Variants in GRAMD4 observed in about 807,000 individuals in gnomAD.
GRAMD4 encodes the protein GRAM domain containing 4.
A neutral mutation model predicts 83.9 loss-of-function variants in GRAMD4; 25 were observed. The observed-to-expected ratio is 0.30, with a 90% confidence interval of 0.22 to 0.42. The LOEUF is 0.42. Among genes scored for constraint, GRAMD4 ranks in the 10% least tolerant of loss-of-function variants. The pLI is 1.00. For missense variants in GRAMD4, 593 were observed against 788.7 expected (o/e 0.75, Z 2.97); for synonymous variants, 336 against 320.9 (o/e 1.05, Z -0.50).
intron 1 of GRAMD4, among the ~76,000 whole-genome samples, chr22:46,594,953 G>T (rs993614228): frequency 1.1e-4 from 17 of 152,096 alleles, no homozygotes; most frequent in African/African-American, 4.1e-4. Context: ...ATCGGGACTT[G>T]GGCTTTCTGA....
intron 3 of GRAMD4, among the ~76,000 whole-genome samples, chr22:46,650,938 G>A (rs537421990): frequency 2.6e-5 from 4 of 152,306 alleles, no homozygotes; most frequent in African/African-American, 9.6e-5. Flanking sequence ...CACGCAGAGT[G>A]TCCCCTGGGC....
chr22:46,617,427 C>T (rs74861987), upstream of GRAMD4, among the ~76,000 whole-genome samples: 5,685 of 146,752 alleles, frequency 0.039, 288 homozygotes, highest in African/African-American at 0.12. Context: ...TGTGTAGGTT[C>T]CCCTGGGTGT....
intron 3 of GRAMD4, among the ~76,000 whole-genome samples, chr22:46,639,149 C>T (rs892651820): frequency 6.7e-5 from 8 of 119,454 alleles, no homozygotes; most frequent in South Asian, 3.0e-4. Flanking sequence ...ACGGTGTGTG[C>T]GTGAGTGTGT....
At position 46,677,469 on chromosome 22, in the gene GRAMD4, T is replaced by C; in HGVS notation, c.*218T>C. ...GGGTGCCCCTCTCCCACAGGGCACGTCAGGTGCCTCTGAGGGCCACCCGCA... is the reference window on the plus strand; with the variant it reads ...GGGTGCCCCTCTCCCACAGGGCACGCCAGGTGCCTCTGAGGGCCACCCGCA... On this transcript the variant is annotated 3_prime_UTR_variant, in exon 19 of 19. Coordinates refer to ENST00000406902, the MANE Select transcript of GRAMD4 (RefSeq NM_015124.5). The C allele has an allele frequency of 7.6e-7, 1 of 1,317,946 alleles. No homozygotes were observed. The highest frequency in any genetic ancestry group is 9.7e-7 in the Non-Finnish European group (1 of 1,031,874). The allele number at this position is 1,317,946 out of a possible 1,614,324, so 81.6% of individuals were successfully genotyped here. A position where few individuals can be genotyped will look rare whatever the true frequency, so the allele number is the denominator to read the frequency against.
At chr22:46,653,796 G>A (rs891739184) in intron 3 of GRAMD4, among the ~76,000 whole-genome samples, 1 of 152,170 alleles carries the variant, frequency 6.6e-6, no homozygotes, top group African/African-American at 2.4e-5. Context: ...GTGGGTACTA[G>A]GAGTTAACCT....
rs570359325 is a variant in GRAMD4, at chr22:46,659,707, G to GGGGGGCTCATGT, written c.404+1419_404+1430dup. Among the ~76,000 whole-genome samples the GGGGGGCTCATGT allele has an allele frequency of 3.9e-5, 6 of 151,916 alleles. No individual in the cohort carries two copies. The highest frequency in any genetic ancestry group is 5.9e-5 in the Non-Finnish European group (4 of 67,952). On this transcript the variant is annotated intron_variant, in intron 4 of 18. Coordinates refer to ENST00000406902, the MANE Select transcript of GRAMD4 (RefSeq NM_015124.5). This position sits in a 1 kb window ranked among gnomAD's most constrained non-coding sequence, Gnocchi z 4.1. The stretch of plus-strand genomic sequence containing the variant: ...TCAGCATGACCTTGTGGAGTGCCCT[G>GGGGGGCTCATGT]GGGGGCTCATGTGGGGGCTCATGTG...
At chr22:46,644,860 G>A (rs1214976203) in intron 3 of GRAMD4, among the ~76,000 whole-genome samples, 2 of 140,992 alleles carry the variant, frequency 1.4e-5, no homozygotes, top group African/African-American at 5.3e-5. Context: ...AGCTTCCTGA[G>A]TAGCAGGGAC....
intron 2 of GRAMD4, among the ~76,000 whole-genome samples, chr22:46,628,248 T>G (rs2147172814): frequency 1.3e-5 from 2 of 152,324 alleles, no homozygotes; most frequent in Non-Finnish European, 2.9e-5. Flanking sequence ...CCGTCTGTCC[T>G]GCTCCAGGTG....
At chr22:46,645,446 C>T (rs1334412960) in intron 3 of GRAMD4, among the ~76,000 whole-genome samples, 1 of 152,194 alleles carries the variant, frequency 6.6e-6, no homozygotes, top group Non-Finnish European at 1.5e-5. Context: ...GTTCAGGAGT[C>T]AGGACCCAGT....
intron 1 of GRAMD4, among the ~76,000 whole-genome samples, chr22:46,593,537 T>C (rs2081231139): frequency 6.6e-6 from 1 of 152,022 alleles, no homozygotes; most frequent in African/African-American, 2.4e-5. Context: ...AGTGTTGCAT[T>C]AAGTGACTTC....
intron 9 of GRAMD4, among the ~76,000 whole-genome samples, chr22:46,666,019 A>T (rs737136): frequency 0.29 from 44,331 of 152,208 alleles, 6,636 homozygotes; most frequent in East Asian, 0.4. Context: ...AGGTGGGTGA[A>T]GCAAACAGGG....
chr22:46,579,254 C>A (rs561153913), intron 1 of GRAMD4, among the ~76,000 whole-genome samples: 2 of 152,192 alleles, frequency 1.3e-5, no homozygotes, highest in African/African-American at 4.8e-5. Context: ...CCAGGCCTTC[C>A]CCTTAGTACC....
chr22:46,645,396 C>T (rs1253142023), intron 3 of GRAMD4, among the ~76,000 whole-genome samples: 2 of 152,170 alleles, frequency 1.3e-5, no homozygotes, highest in African/African-American at 2.4e-5. Context: ...ATCTCTGCCT[C>T]GCCTGACCTG....
intron 1 of GRAMD4, among the ~76,000 whole-genome samples, chr22:46,594,533 T>C (rs1030771796): frequency 8.0e-6 from 1 of 125,120 alleles, no homozygotes; most frequent in Non-Finnish European, 1.7e-5. Context: ...GGGGGGCCCT[T>C]GGTAGAGGAA....
chr22:46,662,087 C>T (rs2082336143), intron 5 of GRAMD4, among the ~76,000 whole-genome samples: 1 of 152,260 alleles, frequency 6.6e-6, no homozygotes, highest in Non-Finnish European at 1.5e-5. Flanking sequence ...CATGGGAACA[C>T]AGCCGGGCCG....
At chr22:46,584,434 C>T (rs953664597) in intron 1 of GRAMD4, among the ~76,000 whole-genome samples, 3 of 152,146 alleles carry the variant, frequency 2.0e-5, no homozygotes, top group Admixed American at 6.5e-5. Flanking sequence ...GAGTTCGCGC[C>T]GCTGATGAAC....
At chr22:46,625,697 G>C (rs371246895) in intron 1 of GRAMD4, among the ~76,000 whole-genome samples, 16 of 152,394 alleles carry the variant, frequency 1.0e-4, no homozygotes, top group African/African-American at 3.8e-4. Flanking sequence ...GAGGCATCCA[G>C]GCCATGGAGC....
At chr22:46,631,025 C>T (rs1479012352) in intron 2 of GRAMD4, among the ~76,000 whole-genome samples, 1 of 152,258 alleles carries the variant, frequency 6.6e-6, no homozygotes, top group Non-Finnish European at 1.5e-5. Context: ...TCTCAGGCTT[C>T]TCTCTCCACC....
chr22:46,616,835 CCT>C (rs2081505692), upstream of GRAMD4, among the ~76,000 whole-genome samples: 1 of 61,980 alleles, frequency 1.6e-5, no homozygotes, highest in Admixed American at 1.4e-4. Context: ...TGTACGTTCC[CCT>C]GTGTGTACGT....
Sources: allele counts gnomAD v4.1 joint callset (sites outside exome capture counted in the v4.1 genomes callset), GRCh38; gene constraint gnomAD v4.1.1; non-coding constraint Gnocchi (gnomAD v3.1); transcripts MANE v1.5; gene names NCBI Gene and HGNC (gene_info 2026-07-23, HGNC 2026-07-21).